The following ATP10A variants were observed in gnomAD, a reference collection of about 807,000 sequenced individuals.
ATP10A encodes phospholipid-transporting ATPase VA.
In ATP10A, 111 loss-of-function variants were observed where a neutral mutation model predicts 147.8. The observed-to-expected ratio is 0.75, with a 90% CI of 0.64 to 0.88. ATP10A has a LOEUF of 0.88. Among genes scored for constraint, ATP10A ranks in the 40% least tolerant of loss-of-function variants. The probability of loss-of-function intolerance (pLI) is 0.00; values close to 1 mark genes in which losing one functional copy is unlikely to be tolerated. For missense variants in ATP10A, 1,927 were observed against 1,959.0 expected (o/e 0.98, Z 0.31); for synonymous variants, 875 against 841.6 (o/e 1.04, Z -0.69).
chr15:25,823,006 A>G (rs1891952779), intron 1 of ATP10A, among the ~76,000 whole-genome samples: 1 of 152,222 alleles, frequency 6.6e-6, no homozygotes, highest in South Asian at 2.1e-4. Flanking sequence ...GAAAAAAATA[A>G]GAACTATTGA....
downstream of ATP10A, among the ~76,000 whole-genome samples, chr15:25,676,291 C>T (rs1174374033): frequency 6.6e-6 from 1 of 152,190 alleles, no homozygotes; most frequent in Non-Finnish European, 1.5e-5. Flanking sequence ...CCTCTCTGTG[C>T]TCACTCCTCT....
chr15:25,777,778 C>T (rs375265441), intron 2 of ATP10A, among the ~76,000 whole-genome samples: 4,193 of 123,868 alleles, frequency 0.034, 105 homozygotes, highest in Middle Eastern at 0.079. Context: ...TTTTTTCTTT[C>T]TTTCTTTTTT....
intron 1 of ATP10A, among the ~76,000 whole-genome samples, chr15:25,813,144 C>CA (rs1437711488): frequency 1.3e-5 from 2 of 152,258 alleles, no homozygotes; most frequent in Non-Finnish European, 2.9e-5. Flanking sequence ...TCAGTACATG[C>CA]ATGTGAGGAG....
chr15:25,704,856 A>G (rs904412142), intron 12 of ATP10A, among the ~76,000 whole-genome samples: 1 of 152,166 alleles, frequency 6.6e-6, no homozygotes, highest in Non-Finnish European at 1.5e-5. Context: ...GACCCTCTGG[A>G]AGGCCTGGCA....
chr15:25,732,087 C>T (rs1886970306), intron 3 of ATP10A, among the ~76,000 whole-genome samples: 1 of 152,122 alleles, frequency 6.6e-6, no homozygotes, highest in African/African-American at 2.4e-5. Flanking sequence ...GTCCAGGCTG[C>T]TCTTAAACTC....
Position 25,714,186 on chromosome 15 carries a change from C to T in ATP10A, c.1832G>A (p.Arg611Gln), listed in dbSNP as rs1398816768. Reference sequence around the variant, plus strand: ...GGTCAGGCAGCTGGGTGTGAACCTCCGCAGGAAGTCTTCTATCGTCTTCAC... The same window carrying T: ...GGTCAGGCAGCTGGGTGTGAACCTCTGCAGGAAGTCTTCTATCGTCTTCAC... ...SPVKTIEDFL[R>Q]RFTPSCLTSG... Residue 611 changes from arginine to glutamine, a missense_variant, in exon 10 of 21, where the codon CGG (arginine) becomes CAG (glutamine). Arg to Gln is a conservative substitution (Grantham distance 43). Transcript: ENST00000555815. The T allele has an allele frequency of 3.7e-6, 6 of 1,606,512 alleles. No individual in the cohort carries two copies. The highest frequency in any genetic ancestry group is 4.2e-6 in the Non-Finnish European group (5 of 1,179,978).
intron 1 of ATP10A, among the ~76,000 whole-genome samples, chr15:25,783,167 A>G (rs1439047377): frequency 6.6e-6 from 1 of 152,100 alleles, no homozygotes; most frequent in Non-Finnish European, 1.5e-5. Flanking sequence ...CAGAGGCCCT[A>G]TCTCAAAAAC....
intron 12 of ATP10A, 67 bp downstream of exon 12, chr15:25,707,909 C>T: frequency 6.3e-7 from 1 of 1,580,400 alleles, no homozygotes; most frequent in Non-Finnish European, 8.6e-7. Flanking sequence ...CAAGAGCACT[C>T]ACCCCTCCAG....
intron 2 of ATP10A, among the ~76,000 whole-genome samples, chr15:25,736,746 G>C (rs1043410485): frequency 1.3e-5 from 2 of 152,190 alleles, no homozygotes; most frequent in African/African-American, 4.8e-5. Flanking sequence ...AGGCTTAGGA[G>C]TGGGGGGAAG....
chr15:25,704,353 C>A (rs115979808), intron 12 of ATP10A, among the ~76,000 whole-genome samples: 228 of 152,340 alleles, frequency 1.5e-3, no homozygotes, highest in African/African-American at 5.3e-3. Flanking sequence ...ATAACCCAAG[C>A]AGTTGCCCAC....
intron 2 of ATP10A, among the ~76,000 whole-genome samples, chr15:25,756,919 C>T (rs1048357125): frequency 1.3e-5 from 2 of 152,116 alleles, no homozygotes; most frequent in Non-Finnish European, 2.9e-5. Flanking sequence ...GAGATGATGG[C>T]TAGTTTAGCT....
chr15:25,695,923 C>T (rs1393336772), intron 13 of ATP10A, among the ~76,000 whole-genome samples: 1 of 151,432 alleles, frequency 6.6e-6, no homozygotes, highest in East Asian at 1.9e-4. Context: ...TCCAATTCTG[C>T]CAGGAAAAGA....
intron 1 of ATP10A, among the ~76,000 whole-genome samples, chr15:25,835,061 G>A (rs1035777555): frequency 6.6e-6 from 1 of 152,150 alleles, no homozygotes; most frequent in African/African-American, 2.4e-5. Flanking sequence ...GCAGAAGTTT[G>A]AGACCAGCCT....
intron 15 of ATP10A, among the ~76,000 whole-genome samples, chr15:25,690,758 T>C (rs1414906763): frequency 6.6e-6 from 1 of 152,236 alleles, no homozygotes; most frequent in Admixed American, 6.5e-5. Context: ...GGTGCCACAC[T>C]GGGCACTGTG....
intron 3 of ATP10A, among the ~76,000 whole-genome samples, chr15:25,734,165 G>A (rs4473158): frequency 0.7 from 105,675 of 151,966 alleles, 39,285 homozygotes; most frequent in Non-Finnish European, 0.84. Context: ...CTCCTGCACC[G>A]GACCCCGCCC....
Position 25,862,742 on chromosome 15 carries a change from G to A in ATP10A, c.355C>T (p.Leu119=). ...AGGTCCCTGAAGGCCGTGATGGCCAGGATGAAGAGCACCGGCGCCAGTGCC... is the reference window on the plus strand; with the variant it reads ...AGGTCCCTGAAGGCCGTGATGGCCAAGATGAAGAGCACCGGCGCCAGTGCC... ...GLALAPVLFI[L]AITAFRDLWE... The change falls in exon 1 of 21, where the codon CTG becomes TTG. Residue 119 remains leucine (L), a synonymous_variant. Coordinates refer to ENST00000555815, the MANE Select transcript of ATP10A (RefSeq NM_024490.4). 2 of 1,612,480 alleles carry A rather than the reference G, an allele frequency of 1.2e-6. No homozygotes were observed. Among genetic ancestry groups the A allele is most frequent in the Non-Finnish European group, 1.7e-6 (2 of 1,179,414 alleles).
chr15:25,797,181 A>G (rs1343805850), intron 1 of ATP10A, among the ~76,000 whole-genome samples: 2 of 151,764 alleles, frequency 1.3e-5, no homozygotes, highest in Non-Finnish European at 2.9e-5. Context: ...TGAATTCAAC[A>G]TTTTTAGGTT....
chr15:25,758,763 AT>A lies in ATP10A; in HGVS notation c.654+22255del. 3.2e-5 allele frequency among the ~76,000 whole-genome samples: 4 copies of A among 126,078 alleles called. 1 individual carries two copies. The highest frequency in any genetic ancestry group is 1.3e-4 in the African/African-American group (4 of 30,604). The allele number at this position is 126,078 out of a possible 152,430, so 82.7% of individuals were successfully genotyped here. A position where few individuals can be genotyped will look rare whatever the true frequency, so the allele number is the denominator to read the frequency against. On this transcript the variant is annotated intron_variant, in intron 2 of 20. Transcript: ENST00000555815. ...ACCTGCTCCACCCTAACTCATTCCG[AT>A]CACCTGCTCCACCCTAACTCATTCC...
At chr15:25,751,836 T>C (rs1325188709) in intron 2 of ATP10A, among the ~76,000 whole-genome samples, 47 of 151,944 alleles carry the variant, frequency 3.1e-4, no homozygotes, top group Non-Finnish European at 1.3e-4. Context: ...AAAAATCAAA[T>C]TAAAGAATAG....
Sources: allele counts gnomAD v4.1 joint callset (sites outside exome capture counted in the v4.1 genomes callset), GRCh38; gene constraint gnomAD v4.1.1; transcripts MANE v1.5; gene names NCBI Gene and HGNC (gene_info 2026-07-23, HGNC 2026-07-21).